GRM8: variants seen among roughly 807,000 people sequenced by gnomAD.
GRM8 encodes glutamate metabotropic receptor 8, also known as metabotropic glutamate receptor 8.
A neutral mutation model predicts 87.2 loss-of-function variants in GRM8; 47 were observed. That is an observed-to-expected ratio of 0.54 (90% CI 0.43 to 0.69). GRM8 has a LOEUF of 0.69. Among genes scored for constraint, GRM8 ranks in the 30% least tolerant of loss-of-function variants. The pLI is 0.00. For missense variants in GRM8, 1,019 were observed against 1,139.2 expected (o/e 0.89, Z 1.52); for synonymous variants, 396 against 404.5 (o/e 0.98, Z 0.25).
intron 9 of GRM8, among the ~76,000 whole-genome samples, chr7:126,530,810 T>A (rs1026488325): frequency 6.6e-6 from 1 of 152,202 alleles, no homozygotes; most frequent in African/African-American, 2.4e-5. Flanking sequence ...CAAGCATTTA[T>A]TTATTTTTTT....
intron 2 of GRM8, among the ~76,000 whole-genome samples, chr7:127,123,836 C>A (rs1827213978): frequency 6.6e-6 from 1 of 152,138 alleles, no homozygotes; most frequent in Admixed American, 6.5e-5. Flanking sequence ...AAAGATACCT[C>A]TTAATTTCAC....
intron 7 of GRM8, among the ~76,000 whole-genome samples, chr7:126,704,809 T>C (rs1326748370): frequency 6.6e-6 from 1 of 152,146 alleles, no homozygotes; most frequent in Non-Finnish European, 1.5e-5. Flanking sequence ...CCTGATAAGA[T>C]GTTATCAATG....
At position 126,895,859 on chromosome 7, in the gene GRM8, T is replaced by C. The variant is rs559752943; in HGVS notation, c.1156+6683A>G. Among the ~76,000 whole-genome samples the C allele has an allele frequency of 9.9e-5, 15 of 151,908 alleles. No individual in the cohort carries two copies. The South Asian group carries it at 2.5e-3, about 25-fold the overall frequency. On this transcript the variant is annotated intron_variant, in intron 6 of 10. Transcript: ENST00000339582. The stretch of plus-strand genomic sequence containing the variant: ...TACTACTTTATAAAGGATTAGGTAA[T>C]AACCAATATGTTATTTTTGCTTCAC...
intron 7 of GRM8, among the ~76,000 whole-genome samples, chr7:126,709,614 G>A (rs552931551): frequency 6.6e-6 from 1 of 152,078 alleles, no homozygotes; most frequent in Non-Finnish European, 1.5e-5. Context: ...ACAGTACAGA[G>A]GTTCCTTTAA....
chr7:126,872,875 G>T (rs1182464250), intron 6 of GRM8, among the ~76,000 whole-genome samples: 1 of 151,976 alleles, frequency 6.6e-6, no homozygotes, highest in East Asian at 1.9e-4. Context: ...TATCCATCAG[G>T]CATATGTCAT....
intron 3 of GRM8, among the ~76,000 whole-genome samples, chr7:127,088,411 T>C (rs1354545087): frequency 6.6e-6 from 1 of 152,260 alleles, no homozygotes. Context: ...GAGAATGCTC[T>C]AACAGAAGCT....
At chr7:127,150,230 C>T (rs906553769) in intron 2 of GRM8, among the ~76,000 whole-genome samples, 1 of 151,990 alleles carries the variant, frequency 6.6e-6, no homozygotes, top group African/African-American at 2.4e-5. Flanking sequence ...ATGGAGGGCT[C>T]ATATGAAAGA....
intron 6 of GRM8, among the ~76,000 whole-genome samples, chr7:126,877,600 G>A (rs1269054681): frequency 6.6e-6 from 1 of 151,724 alleles, no homozygotes. Context: ...TCTATTCTCT[G>A]TCTACCTGAA....
chr7:126,479,479 C>T (rs1411713146), intron 9 of GRM8, among the ~76,000 whole-genome samples: 1 of 152,024 alleles, frequency 6.6e-6, no homozygotes, highest in African/African-American at 2.4e-5. Flanking sequence ...ATACTATATG[C>T]AATCTTGTGA....
chr7:127,050,086 G>T (rs1819320085), intron 3 of GRM8, among the ~76,000 whole-genome samples: 2 of 152,196 alleles, frequency 1.3e-5, no homozygotes, highest in African/African-American at 4.8e-5. Context: ...GGCATATTTA[G>T]CTCTTATTTT....
At chr7:127,045,360 CCAA>C (rs1818823377) in intron 3 of GRM8, among the ~76,000 whole-genome samples, 1 of 151,238 alleles carries the variant, frequency 6.6e-6, no homozygotes, top group Non-Finnish European at 1.5e-5. Flanking sequence ...ATCATATATC[CCAA>C]TATCTTCCAC....
chr7:126,878,928 G>C (rs1799775969), intron 6 of GRM8, among the ~76,000 whole-genome samples: 1 of 151,970 alleles, frequency 6.6e-6, no homozygotes. Flanking sequence ...TTTGGGAGGT[G>C]GAGGCAGGTC....
At chr7:126,583,850 C>A (rs1316709188) in intron 8 of GRM8, among the ~76,000 whole-genome samples, 1 of 152,164 alleles carries the variant, frequency 6.6e-6, no homozygotes, top group African/African-American at 2.4e-5. Flanking sequence ...ATTACATAAA[C>A]ACAGTTGATA....
At chr7:126,562,397 C>G (rs1793801558) in intron 8 of GRM8, among the ~76,000 whole-genome samples, 2 of 152,070 alleles carry the variant, frequency 1.3e-5, no homozygotes, top group African/African-American at 4.8e-5. Context: ...TGGTTGGCTT[C>G]CCAGTTAGTT....
rs561643026 is a variant in GRM8 at position 126,791,691 on chromosome 7, G to A, written c.1157-21626C>T. Among the ~76,000 whole-genome samples, 2 of 152,318 alleles carry A rather than the reference G, an allele frequency of 1.3e-5. 1 individual carries two copies. Among genetic ancestry groups the A allele is most frequent in the East Asian group, 3.9e-4 (2 of 5,188 alleles). ...CATAGTCATTATTTTGTTGCCATCA[G>A]GTGAAGAAATAGCTCTTGGTCACAG... On this transcript the variant is annotated intron_variant, in intron 6 of 10. Coordinates refer to ENST00000339582, the MANE Select transcript of GRM8 (RefSeq NM_000845.3).
intron 7 of GRM8, among the ~76,000 whole-genome samples, chr7:126,702,348 A>G (rs989613861): frequency 1.1e-4 from 17 of 152,160 alleles, no homozygotes; most frequent in Admixed American, 2.0e-4. Flanking sequence ...TTTCAACCTC[A>G]TTTTGCATAC....
chr7:126,561,899 T>C (rs959544775), intron 8 of GRM8, among the ~76,000 whole-genome samples: 15 of 150,564 alleles, frequency 1.0e-4, no homozygotes, highest in African/African-American at 2.9e-4. Flanking sequence ...GTCCTTGCGA[T>C]AGTTCGCTGA....
At chr7:127,162,547 TC>T (rs1460854182) in intron 2 of GRM8, among the ~76,000 whole-genome samples, 1 of 152,134 alleles carries the variant, frequency 6.6e-6, no homozygotes, top group Non-Finnish European at 1.5e-5. Context: ...GATCTCCCCT[TC>T]TCTCTTTTTG....
chr7:126,724,588 C>T (rs1812757934), intron 7 of GRM8, among the ~76,000 whole-genome samples: 1 of 152,070 alleles, frequency 6.6e-6, no homozygotes, highest in South Asian at 2.1e-4. Flanking sequence ...AACTGGTTAA[C>T]CTAACAAATA....
Sources: gnomAD v4.1 joint callset for allele counts (sites outside exome capture counted in the v4.1 genomes callset) on GRCh38, gnomAD v4.1.1 for gene constraint, MANE v1.5 for transcripts, NCBI Gene and HGNC (gene_info 2026-07-23, HGNC 2026-07-21) for gene names.